CHRM3: variants seen among roughly 807,000 people sequenced by gnomAD.
CHRM3 encodes cholinergic receptor muscarinic 3.
In CHRM3, 11 loss-of-function variants were observed where a neutral mutation model predicts 41.8. That is an observed-to-expected ratio of 0.26 (90% CI 0.17 to 0.44). The LOEUF is 0.44. Among genes scored for constraint, CHRM3 ranks in the 20% least tolerant of loss-of-function variants. The pLI, the probability that CHRM3 is intolerant of heterozygous loss-of-function variation, is 1.00. For synonymous variants in CHRM3, 297 were observed against 301.4 expected, an observed-to-expected ratio of 0.99 and a Z score of 0.15; for missense variants, 571 against 745.4, an observed-to-expected ratio of 0.77 and a Z score of 2.72.
intron 3 of CHRM3, among the ~76,000 whole-genome samples, chr1:239,606,961 T>A (rs1006585038): frequency 4.6e-5 from 7 of 152,190 alleles, no homozygotes; most frequent in Admixed American, 1.3e-4. Flanking sequence ...TCTAAGGATG[T>A]GTTCTGGCTT....
At chr1:239,898,677 C>T (rs528342765) in intron 6 of CHRM3, among the ~76,000 whole-genome samples, 17 of 152,028 alleles carry the variant, frequency 1.1e-4, no homozygotes, top group Non-Finnish European at 2.2e-4. Context: ...AATCGAGAGC[C>T]CTCAAACATT....
chr1:239,815,831 T>C (rs1376206890), intron 5 of CHRM3, among the ~76,000 whole-genome samples: 1 of 152,148 alleles, frequency 6.6e-6, no homozygotes, highest in Non-Finnish European at 1.5e-5. Flanking sequence ...TAGGTCCAGG[T>C]TTTATGCATC....
intron 1 of CHRM3, among the ~76,000 whole-genome samples, chr1:239,408,686 G>A (rs1274910122): frequency 6.6e-6 from 1 of 152,012 alleles, no homozygotes; most frequent in Non-Finnish European, 1.5e-5. Context: ...TCAATCTGCT[G>A]CCCAGGCTGG....
chr1:239,492,660 A>G (rs1667630305), intron 1 of CHRM3, 49 bp from the exon 2 acceptor site: 1 of 152,252 alleles, frequency 6.6e-6, no homozygotes, highest in Non-Finnish European at 1.5e-5. Context: ...TGTGAGCAGA[A>G]TAACCTTGCA....
chr1:239,845,363 G>C (rs1674179287), intron 6 of CHRM3, among the ~76,000 whole-genome samples: 1 of 152,256 alleles, frequency 6.6e-6, no homozygotes, highest in East Asian at 1.9e-4. Flanking sequence ...TTGGGTTTGG[G>C]TTTGGGTTTT....
At chr1:239,530,303 A>T (rs1325964216) in intron 2 of CHRM3, among the ~76,000 whole-genome samples, 13 of 152,214 alleles carry the variant, frequency 8.5e-5, no homozygotes. Context: ...TCAGCTCCTC[A>T]AATTCAGCTT....
At chr1:239,517,371 C>A (rs1669342037) in intron 2 of CHRM3, among the ~76,000 whole-genome samples, 1 of 152,144 alleles carries the variant, frequency 6.6e-6, no homozygotes, top group Non-Finnish European at 1.5e-5. Context: ...ACAGCTTGCC[C>A]AAATTCACAC....
chr1:239,606,194 TTTAA>T (rs749179182), intron 3 of CHRM3: 5 of 152,192 alleles, frequency 3.3e-5, no homozygotes, highest in Non-Finnish European at 7.3e-5. Context: ...AAAGATACTG[TTTAA>T]TTATGCTAAT....
intron 4 of CHRM3, among the ~76,000 whole-genome samples, chr1:239,639,004 C>T (rs892596638): frequency 3.7e-4 from 57 of 152,126 alleles, no homozygotes; most frequent in African/African-American, 1.3e-3. Context: ...TTCCCAGCAC[C>T]ATTTATTAAA....
At chr1:239,898,242 G>T (rs2102990541) in intron 6 of CHRM3, 1 of 152,354 alleles carries the variant, frequency 6.6e-6, no homozygotes, top group East Asian at 1.9e-4. Context: ...GAGCTAAGCT[G>T]AAGTTCCTGG....
At chr1:239,804,664 G>A (rs1368778250) in intron 5 of CHRM3, among the ~76,000 whole-genome samples, 1 of 152,104 alleles carries the variant, frequency 6.6e-6, no homozygotes, top group East Asian at 1.9e-4. Context: ...TCCCTCCATG[G>A]GGCACGTGCA....
intron 2 of CHRM3, among the ~76,000 whole-genome samples, chr1:239,523,102 T>A (rs1362279689): frequency 6.6e-6 from 1 of 151,830 alleles, no homozygotes; most frequent in East Asian, 1.9e-4. Context: ...GAAACAGTAG[T>A]GAAAAAAAGA....
chr1:239,690,888 A>C (rs1659652697), intron 5 of CHRM3, among the ~76,000 whole-genome samples: 1 of 152,094 alleles, frequency 6.6e-6, no homozygotes, highest in East Asian at 1.9e-4. Flanking sequence ...TGATCTGAGG[A>C]GACAGGATCC....
At chr1:239,648,262 A>G (rs12090420) in intron 4 of CHRM3, among the ~76,000 whole-genome samples, 39,805 of 151,928 alleles carry the variant, frequency 0.26, 5,381 homozygotes, top group Admixed American at 0.29. Flanking sequence ...TGTGTGTGGG[A>G]TGTCTCTTCT....
intron 6 of CHRM3, among the ~76,000 whole-genome samples, chr1:239,871,048 C>T (rs576237821): frequency 3.8e-4 from 58 of 152,056 alleles, no homozygotes; most frequent in African/African-American, 1.1e-3. Flanking sequence ...GTGTTCCCTG[C>T]GGGCTCTGTG....
At chr1:239,661,731 G>T (rs1304526188) in intron 4 of CHRM3, among the ~76,000 whole-genome samples, 1 of 152,060 alleles carries the variant, frequency 6.6e-6, no homozygotes, top group African/African-American at 2.4e-5. Context: ...ATACTATAAT[G>T]GTGGATACAT....
chr1:239,761,836 C>T (rs1286169435), intron 5 of CHRM3, among the ~76,000 whole-genome samples: 5 of 152,162 alleles, frequency 3.3e-5, no homozygotes, highest in Admixed American at 6.5e-5. Context: ...GGAATTTCCT[C>T]GCTTTGCCAC....
intron 1 of CHRM3, among the ~76,000 whole-genome samples, chr1:239,424,061 A>G (rs1411384804): frequency 2.0e-5 from 3 of 151,592 alleles, no homozygotes; most frequent in Non-Finnish European, 4.4e-5. Flanking sequence ...TCTCAAAAAA[A>G]AAAAAAAAAA....
intron 2 of CHRM3, among the ~76,000 whole-genome samples, chr1:239,498,959 C>A (rs895995547): frequency 6.6e-6 from 1 of 152,062 alleles, no homozygotes; most frequent in Non-Finnish European, 1.5e-5. Context: ...ATATGTAGGT[C>A]CTCCTTTCCT....
Sources: gnomAD v4.1 joint callset for allele counts (sites outside exome capture counted in the v4.1 genomes callset) on GRCh38, gnomAD v4.1.1 for gene constraint, MANE v1.5 for transcripts, NCBI Gene and HGNC (gene_info 2026-07-23, HGNC 2026-07-21) for gene names.